Variants in LPP observed in about 807,000 individuals in gnomAD.
LPP encodes LIM domain containing preferred translocation partner in lipoma.
Under a neutral mutation model 60.4 loss-of-function variants are expected in LPP, and 38 were observed. The observed-to-expected ratio is 0.63, with a 90% CI of 0.49 to 0.83. The LOEUF (loss-of-function observed/expected upper bound fraction) is 0.83, where lower values mean the gene tolerates loss of function less well. Among genes scored for constraint, LPP ranks in the 40% least tolerant of loss-of-function variants. The pLI, the probability that LPP is intolerant of heterozygous loss-of-function variation, is 0.00. For synonymous variants in LPP, 328 were observed against 290.8 expected (o/e 1.13, Z -1.30); for missense variants, 902 against 783.6 (o/e 1.15, Z -1.80).
rs555414858 is a variant in LPP, at chr3:188,655,740, T to C, written c.1113+45896T>C. On this transcript the variant is annotated intron_variant, in intron 7 of 11. Coordinates refer to ENST00000617246, the MANE Select transcript of LPP (RefSeq NM_001375462.1). ...GAGGATATCTACTAGAAATCTACTA[T>C]AGAATAGAGAGAATTGGTCTATACA... Among the ~76,000 whole-genome samples, 208 of 152,268 alleles carry C rather than the reference T, an allele frequency of 1.4e-3. 2 individuals carry two copies. Among genetic ancestry groups the C allele is most frequent in the African/African-American group, 4.6e-3 (193 of 41,556 alleles).
At chr3:188,598,223 T>C (rs1840362900) in intron 6 of LPP, among the ~76,000 whole-genome samples, 1 of 152,126 alleles carries the variant, frequency 6.6e-6, no homozygotes. Context: ...CAGGAAAGAA[T>C]TTGGACTTCA....
At chr3:188,542,450 G>A (rs988167884) in intron 6 of LPP, among the ~76,000 whole-genome samples, 3 of 152,152 alleles carry the variant, frequency 2.0e-5, no homozygotes, top group Non-Finnish European at 4.4e-5. Flanking sequence ...AGTGCACTGT[G>A]AACTACTTGC....
chr3:188,396,307 A>C (rs1220462222), intron 3 of LPP, among the ~76,000 whole-genome samples: 14 of 152,254 alleles, frequency 9.2e-5, no homozygotes, highest in Non-Finnish European at 5.9e-5. Flanking sequence ...AGATATCAAA[A>C]TAAATATTCA....
chr3:188,598,826 A>G (rs1015690192), intron 6 of LPP, among the ~76,000 whole-genome samples: 2 of 152,092 alleles, frequency 1.3e-5, no homozygotes, highest in Admixed American at 6.6e-5. Context: ...AATCATTTCA[A>G]TTTTCAGTGC....
chr3:188,176,040 G>A (rs1312683931), intron 1 of LPP, among the ~76,000 whole-genome samples: 1 of 152,146 alleles, frequency 6.6e-6, no homozygotes, highest in Non-Finnish European at 1.5e-5. Flanking sequence ...AAAATTGGGA[G>A]GAGTTGATGC....
At chr3:188,245,704 T>A (rs1299064995) in intron 2 of LPP, among the ~76,000 whole-genome samples, 1 of 152,054 alleles carries the variant, frequency 6.6e-6, no homozygotes, top group African/African-American at 2.4e-5. Flanking sequence ...TGTGCCCTGC[T>A]TTTATTTATT....
chr3:188,455,759 G>GT (rs145670971), intron 4 of LPP, among the ~76,000 whole-genome samples: 2,347 of 152,128 alleles, frequency 0.015, 69 homozygotes, highest in African/African-American at 0.054. Flanking sequence ...GAGAATATTG[G>GT]TTTTTTTCAG....
chr3:188,730,926 T>G (rs73058733), intron 8 of LPP, among the ~76,000 whole-genome samples: 2,634 of 152,278 alleles, frequency 0.017, 94 homozygotes, highest in African/African-American at 0.061. Flanking sequence ...TTTTTCATAG[T>G]CATTCTGTGT....
intron 5 of LPP, among the ~76,000 whole-genome samples, chr3:188,515,906 A>C (rs1254242842): frequency 6.7e-6 from 1 of 148,474 alleles, no homozygotes; most frequent in African/African-American, 2.4e-5. Context: ...TCTAGGCAAA[A>C]GTGCAAGTGA....
At position 188,635,344 on chromosome 3, in the gene LPP, T is replaced by C. The variant is rs146276825; in HGVS notation, c.1113+25500T>C. On this transcript the variant is annotated intron_variant, in intron 7 of 11. Coordinates refer to ENST00000617246, the MANE Select transcript of LPP (RefSeq NM_001375462.1). Reference sequence around the variant, plus strand: ...TCTAAATAAATACTGAGAGTTTGGATATGTTTCTAAGTTCCTTTCCTTTGA... The same window carrying C: ...TCTAAATAAATACTGAGAGTTTGGACATGTTTCTAAGTTCCTTTCCTTTGA... Among the ~76,000 whole-genome samples the C allele has an allele frequency of 7.2e-5, 11 of 152,298 alleles. No homozygotes were observed. In the East Asian group the frequency reaches 1.7e-3, roughly 24 times the overall value.
At chr3:188,665,980 T>C (rs888275913) in intron 7 of LPP, among the ~76,000 whole-genome samples, 4 of 152,224 alleles carry the variant, frequency 2.6e-5, no homozygotes, top group African/African-American at 9.6e-5. Flanking sequence ...ACAATTAGTG[T>C]TTTGGTCAGA....
At chr3:188,761,370 G>C (rs1381791217) in intron 9 of LPP, among the ~76,000 whole-genome samples, 1 of 152,246 alleles carries the variant, frequency 6.6e-6, no homozygotes, top group East Asian at 1.9e-4. Context: ...CAAGATTAAG[G>C]CTTCGTAGGA....
At chr3:188,730,611 C>T (rs755395209) in intron 8 of LPP, among the ~76,000 whole-genome samples, 2 of 152,102 alleles carry the variant, frequency 1.3e-5, no homozygotes, top group African/African-American at 4.8e-5. Flanking sequence ...CAAACTGGAT[C>T]GACATGATAG....
chr3:188,568,409 G>A (rs1832711864), intron 6 of LPP: 1 of 151,960 alleles, frequency 6.6e-6, no homozygotes, highest in Admixed American at 6.6e-5. Context: ...TAAAGGAGAT[G>A]ATTAATACAT....
chr3:188,721,207 C>T (rs1716230049), intron 8 of LPP, among the ~76,000 whole-genome samples: 1 of 152,032 alleles, frequency 6.6e-6, no homozygotes, highest in African/African-American at 2.4e-5. Context: ...GGTTGAAGTA[C>T]TAAGTTGCTT....
At chr3:188,812,192 A>T (rs2151324825) in intron 9 of LPP, among the ~76,000 whole-genome samples, 1 of 152,280 alleles carries the variant, frequency 6.6e-6, no homozygotes, top group African/African-American at 2.4e-5. Flanking sequence ...TCTAAGCAAT[A>T]AGAAATAAAG....
intron 6 of LPP, among the ~76,000 whole-genome samples, chr3:188,570,234 C>T (rs1833225056): frequency 6.6e-6 from 1 of 152,010 alleles, no homozygotes; most frequent in African/African-American, 2.4e-5. Context: ...CCCTGGAGTT[C>T]TGTCTTGCAG....
intron 9 of LPP, among the ~76,000 whole-genome samples, chr3:188,790,623 C>T (rs981106035): frequency 2.6e-5 from 4 of 152,074 alleles, no homozygotes; most frequent in African/African-American, 9.7e-5. Flanking sequence ...GAGTTCAAGA[C>T]TAGCCTGGCC....
At chr3:188,519,575 G>C (rs1277677226) in intron 5 of LPP, among the ~76,000 whole-genome samples, 1 of 152,030 alleles carries the variant, frequency 6.6e-6, no homozygotes, top group Non-Finnish European at 1.5e-5. Flanking sequence ...AGATAATACT[G>C]TTTCTATGTT....
Sources: gnomAD v4.1 joint callset for allele counts (sites outside exome capture counted in the v4.1 genomes callset) on GRCh38, gnomAD v4.1.1 for gene constraint, MANE v1.5 for transcripts, NCBI Gene and HGNC (gene_info 2026-07-23, HGNC 2026-07-21) for gene names.